GPC3: variants seen among roughly 807,000 people sequenced by gnomAD.
GPC3 encodes glypican-3.
GPC3 carries 3 observed loss-of-function variants against 34.4 expected under a neutral mutation model. That is an observed-to-expected ratio of 0.09 (90% CI 0.04 to 0.23). The LOEUF (loss-of-function observed/expected upper bound fraction) is 0.23, where lower values mean the gene tolerates loss of function less well. Ranked by LOEUF, GPC3 falls within the 10% of genes least tolerant of loss-of-function variation. GPC3 has a pLI of 1.00. For synonymous variants in GPC3, 177 were observed against 174.0 expected, an observed-to-expected ratio of 1.02 and a Z score of -0.13; for missense variants, 351 against 445.6, an observed-to-expected ratio of 0.79 and a Z score of 1.91.
At chrX:133,943,355 A>C in intron 2 of GPC3, among the ~76,000 whole-genome samples, 1 of 112,650 alleles carries the variant, frequency 8.9e-6, no homozygotes, top group South Asian at 3.7e-4. Flanking sequence ...AATATCAAAT[A>C]TAAAACTCTA....
intron 2 of GPC3, among the ~76,000 whole-genome samples, chrX:133,813,917 T>C (rs957762537): frequency 8.9e-6 from 1 of 112,231 alleles, no homozygotes; most frequent in African/African-American, 3.2e-5. Context: ...TTCTCAAGCA[T>C]GGATGGCCTG....
chrX:133,673,615 C>T (rs1447713724), intron 5 of GPC3, among the ~76,000 whole-genome samples: 1 of 112,247 alleles, frequency 8.9e-6, no homozygotes, highest in Admixed American at 9.4e-5. Context: ...GGAAGAGTCA[C>T]GTGGTGGAAA....
chrX:133,976,966 T>TAAATAAATAAATAAAA (rs61628394), intron 1 of GPC3, among the ~76,000 whole-genome samples: 7 of 108,983 alleles, frequency 6.4e-5, no homozygotes, highest in African/African-American at 2.0e-4. Flanking sequence ...AATAAATAAA[T>TAAATAAATAAATAAAA]GAGGGGCAAC....
chrX:133,748,228 T>C (rs1322455981), intron 3 of GPC3, among the ~76,000 whole-genome samples: 1 of 112,244 alleles, frequency 8.9e-6, no homozygotes, highest in East Asian at 2.8e-4. Context: ...AAAATGGTTT[T>C]CAGGATAAAA....
intron 2 of GPC3, among the ~76,000 whole-genome samples, chrX:133,796,652 C>T (rs1002888532): frequency 1.8e-5 from 2 of 112,273 alleles, no homozygotes; most frequent in African/African-American, 6.5e-5. Flanking sequence ...GGACTCACCA[C>T]TCAAATAAGG....
At chrX:133,679,550 T>C (rs1038246980) in intron 5 of GPC3, among the ~76,000 whole-genome samples, 1 of 111,527 alleles carries the variant, frequency 9.0e-6, no homozygotes, top group Non-Finnish European at 1.9e-5. Flanking sequence ...TGGTTCATCC[T>C]ACGAATTCAA....
At chrX:133,585,698 T>G (rs1306368290) in intron 7 of GPC3, among the ~76,000 whole-genome samples, 2 of 111,393 alleles carry the variant, frequency 1.8e-5, no homozygotes, top group Non-Finnish European at 3.8e-5. Context: ...CTTGCCACTT[T>G]CCTGCTAGAT....
At chrX:133,909,244 CAGCTGTGAATCTGCCTAATTACT>C (rs1321608160) in intron 2 of GPC3, among the ~76,000 whole-genome samples, 2 of 112,629 alleles carry the variant, frequency 1.8e-5, no homozygotes, top group African/African-American at 6.4e-5. Flanking sequence ...GCTGATCAAC[CAGCTGTGAATCTGCCTAATTACT>C]AGTTATGCAG....
chrX:133,829,047 A>C (rs1196480830), intron 2 of GPC3, among the ~76,000 whole-genome samples: 1 of 112,040 alleles, frequency 8.9e-6, no homozygotes, highest in Non-Finnish European at 1.9e-5. Context: ...TGTCCAACTA[A>C]AATGCCAAAA....
At chrX:133,951,889 A>G (rs186087533) in intron 2 of GPC3, among the ~76,000 whole-genome samples, 266 of 111,531 alleles carry the variant, frequency 2.4e-3, no homozygotes, top group African/African-American at 7.9e-3. Flanking sequence ...ATAAGCTATA[A>G]TCAACACACC....
At chrX:133,962,582 A>G (rs2076446509) in intron 1 of GPC3, among the ~76,000 whole-genome samples, 1 of 111,999 alleles carries the variant, frequency 8.9e-6, no homozygotes, top group Admixed American at 9.4e-5. Context: ...GGGTTGGAGA[A>G]CAATGCCAGC....
intron 2 of GPC3, among the ~76,000 whole-genome samples, chrX:133,820,589 A>G (rs2075714310): frequency 9.0e-6 from 1 of 111,578 alleles, no homozygotes; most frequent in African/African-American, 3.3e-5. Flanking sequence ...CGAAGAGGTA[A>G]GACTGAGATA....
intron 2 of GPC3, among the ~76,000 whole-genome samples, chrX:133,855,797 C>T (rs1603260479): frequency 9.0e-6 from 1 of 110,741 alleles, no homozygotes; most frequent in African/African-American, 3.3e-5. Context: ...ATTCTGGTAA[C>T]GACTGTTTTA....
chrX:133,811,607 G>A (rs1450459620), intron 2 of GPC3, among the ~76,000 whole-genome samples: 2 of 111,387 alleles, frequency 1.8e-5, no homozygotes, highest in African/African-American at 6.5e-5. Context: ...TGCTTAATGG[G>A]CACTGATGTT....
intron 1 of GPC3, among the ~76,000 whole-genome samples, chrX:133,971,218 A>C (rs2076491632): frequency 8.9e-6 from 1 of 112,721 alleles, no homozygotes; most frequent in Non-Finnish European, 1.9e-5. Flanking sequence ...ACTACATAGC[A>C]ATGATCTGAG....
At chrX:133,860,779 A>G (rs1409100326) in intron 2 of GPC3, among the ~76,000 whole-genome samples, 1 of 111,564 alleles carries the variant, frequency 9.0e-6, no homozygotes, top group African/African-American at 3.3e-5. Flanking sequence ...CCATCATCAT[A>G]TTCTAGCACA....
At chrX:133,873,801 T>C (rs1429604785) in intron 2 of GPC3, among the ~76,000 whole-genome samples, 1 of 111,622 alleles carries the variant, frequency 9.0e-6, no homozygotes, top group Non-Finnish European at 1.9e-5. Flanking sequence ...GGTAGTGGTA[T>C]GGGAAACAGC....
intron 2 of GPC3, among the ~76,000 whole-genome samples, chrX:133,771,856 C>T (rs926703503): frequency 1.8e-5 from 2 of 111,913 alleles, no homozygotes; most frequent in African/African-American, 6.5e-5. Context: ...GCCATCATGT[C>T]AATGTGTCAT....
At position 133,740,330 on chromosome X, in the gene GPC3, G is replaced by A. The variant is rs1022480334; in HGVS notation, c.1032+13152C>T. Among the ~76,000 whole-genome samples, 8 of 112,080 alleles carry A rather than the reference G, an allele frequency of 7.1e-5. 1 individual carries two copies. The highest frequency in any genetic ancestry group is 2.3e-4 in the African/African-American group (7 of 30,841). On this transcript the variant is annotated intron_variant, in intron 3 of 7. Coordinates refer to ENST00000370818, the MANE Select transcript of GPC3 (RefSeq NM_004484.4). ...TATTCTTTCACTCTCTGTGATCTGG[G>A]AATTGTTAACATCCTTTTCAGACTG...
Sources: allele counts gnomAD v4.1 joint callset (sites outside exome capture counted in the v4.1 genomes callset), GRCh38; gene constraint gnomAD v4.1.1; transcripts MANE v1.5; gene names NCBI Gene and HGNC (gene_info 2026-07-23, HGNC 2026-07-21).